Variants in SLC35F4 observed in about 807,000 individuals in gnomAD.
The protein encoded by SLC35F4 is solute carrier family 35 member F4.
In SLC35F4, 24 loss-of-function variants were observed where a neutral mutation model predicts 44.2. The ratio of observed to expected loss-of-function variants is 0.54; its 90% CI spans 0.39 to 0.76. The LOEUF (loss-of-function observed/expected upper bound fraction) is 0.76. Ranked by LOEUF, SLC35F4 falls within the 30% of genes least tolerant of loss-of-function variation. SLC35F4 has a pLI of 0.00. For synonymous variants in SLC35F4, 238 were observed against 223.6 expected, an observed-to-expected ratio of 1.06 and a Z score of -0.57; for missense variants, 562 against 586.1, an observed-to-expected ratio of 0.96 and a Z score of 0.42.
intron 1 of SLC35F4, among the ~76,000 whole-genome samples, chr14:57,682,413 A>T (rs111875018): frequency 1.7e-3 from 265 of 152,302 alleles, no homozygotes; most frequent in African/African-American, 6.2e-3. Context: ...CAAACACTGC[A>T]TGTTCTCACT....
upstream of SLC35F4, among the ~76,000 whole-genome samples, chr14:57,982,677 C>T (rs1015895672): frequency 2.6e-5 from 4 of 152,140 alleles, no homozygotes; most frequent in Admixed American, 6.5e-5. Flanking sequence ...GTCGTTAAAT[C>T]TCACAGCCTG....
intron 1 of SLC35F4, among the ~76,000 whole-genome samples, chr14:57,622,687 G>A (rs1371158260): frequency 6.6e-6 from 1 of 152,100 alleles, no homozygotes; most frequent in Admixed American, 6.5e-5. Flanking sequence ...GGGGAGTGGG[G>A]AGGGATAGCA....
rs184030797 is a variant in SLC35F4 at position 57,573,452 on chromosome 14, G to C, written c.808-1433C>G. On this transcript the variant is annotated intron_variant, in intron 4 of 7. Transcript: ENST00000556826. ...ATATCATATTCTCTGAAGCTGCCGG[G>C]TGTGTGTTCTGGTTAGACTTGGCCT... 1.0e-3 allele frequency among the ~76,000 whole-genome samples: 156 copies of C among 152,308 alleles called. 1 individual carries two copies. Among genetic ancestry groups the C allele is most frequent in the Non-Finnish European group, 1.9e-3 (132 of 68,020 alleles).
At chr14:57,693,062 A>G (rs1165217817) in intron 1 of SLC35F4, among the ~76,000 whole-genome samples, 2 of 152,212 alleles carry the variant, frequency 1.3e-5, no homozygotes, top group Admixed American at 1.3e-4. Context: ...ATTAATTAAA[A>G]CTTTTTTCAA....
At chr14:57,930,001 A>G (rs948960514) in intron 1 of SLC35F4, among the ~76,000 whole-genome samples, 2 of 152,204 alleles carry the variant, frequency 1.3e-5, no homozygotes, top group African/African-American at 4.8e-5. Flanking sequence ...AGCATGTTTC[A>G]TAAAGGGATA....
intron 1 of SLC35F4, among the ~76,000 whole-genome samples, chr14:57,598,763 G>C (rs369578089): frequency 2.5e-4 from 38 of 152,302 alleles, no homozygotes; most frequent in African/African-American, 9.1e-4. Context: ...AGCTGAGCCA[G>C]AGACCTTATC....
intron 1 of SLC35F4, among the ~76,000 whole-genome samples, chr14:57,669,542 G>A (rs913705855): frequency 6.6e-6 from 1 of 152,028 alleles, no homozygotes; most frequent in Non-Finnish European, 1.5e-5. Flanking sequence ...TAGCATGAAG[G>A]GCAGTTGAAT....
At chr14:57,614,372 G>A (rs1323763341) in intron 1 of SLC35F4, among the ~76,000 whole-genome samples, 1 of 152,128 alleles carries the variant, frequency 6.6e-6, no homozygotes, top group Non-Finnish European at 1.5e-5. Flanking sequence ...TGGTGCCCTG[G>A]ATATTTATTC....
chr14:57,684,942 A>G (rs17093548), intron 1 of SLC35F4, among the ~76,000 whole-genome samples: 22,549 of 152,190 alleles, frequency 0.15, 1,908 homozygotes, highest in East Asian at 0.29. Flanking sequence ...AGTCATGGGC[A>G]GCTTACAGGA....
At chr14:57,891,734 G>A (rs1302664876) in intron 1 of SLC35F4, among the ~76,000 whole-genome samples, 1 of 151,916 alleles carries the variant, frequency 6.6e-6, no homozygotes, top group Non-Finnish European at 1.5e-5. Flanking sequence ...AAATTAGTTG[G>A]GCATGGTGGC....
intron 1 of SLC35F4, among the ~76,000 whole-genome samples, chr14:57,623,456 G>A (rs143882288): frequency 0.022 from 3,416 of 152,172 alleles, 70 homozygotes; most frequent in South Asian, 0.048. Context: ...TGGACCAAGC[G>A]GACCTAATTG....
chr14:57,850,249 A>G (rs961668775), intron 1 of SLC35F4, among the ~76,000 whole-genome samples: 3 of 152,222 alleles, frequency 2.0e-5, no homozygotes, highest in African/African-American at 7.2e-5. Context: ...TGCTTTGGAA[A>G]TGAAAGTAGT....
At chr14:57,781,260 T>G (rs903305083) in intron 1 of SLC35F4, among the ~76,000 whole-genome samples, 5 of 151,954 alleles carry the variant, frequency 3.3e-5, no homozygotes, top group Non-Finnish European at 7.4e-5. Flanking sequence ...CAAAAAAACA[T>G]GAATGGACAC....
Position 57,817,217 on chromosome 14 carries a change from A to C in SLC35F4, c.103+48506T>G, listed in dbSNP as rs374746866. 2.6e-5 allele frequency among the ~76,000 whole-genome samples: 4 copies of C among 152,332 alleles called. No homozygotes were observed. In the East Asian group the frequency reaches 7.7e-4, roughly 29 times the overall value. On this transcript the variant is annotated intron_variant, in intron 1 of 7. Transcript: ENST00000556826. The stretch of plus-strand genomic sequence containing the variant: ...GGGTTGGCTGGCCTTAGTAAACTGC[A>C]ACCATAGAGCTACAGAAATCTCTAA...
intron 1 of SLC35F4, among the ~76,000 whole-genome samples, chr14:57,698,377 C>T (rs574851409): frequency 6.6e-6 from 1 of 152,210 alleles, no homozygotes; most frequent in Non-Finnish European, 1.5e-5. Context: ...GAAGAATGGA[C>T]CTATTTTGAA....
chr14:57,973,060 T>C (rs1344098728), downstream of SLC35F4, among the ~76,000 whole-genome samples: 25 of 152,200 alleles, frequency 1.6e-4, no homozygotes, highest in Non-Finnish European at 3.1e-4. Flanking sequence ...ATGAGACACA[T>C]AGAACTTGAA....
intron 1 of SLC35F4, among the ~76,000 whole-genome samples, chr14:57,950,030 T>A (rs1383194600): frequency 6.6e-6 from 1 of 152,178 alleles, no homozygotes; most frequent in Non-Finnish European, 1.5e-5. Context: ...TGCAATGAAT[T>A]TCCCAACAGT....
intron 1 of SLC35F4, among the ~76,000 whole-genome samples, chr14:57,970,351 A>G (rs992374197): frequency 6.6e-6 from 1 of 152,168 alleles, no homozygotes; most frequent in Admixed American, 6.5e-5. Flanking sequence ...ACTTTTAAGA[A>G]CCATTCAGGT....
At chr14:57,836,189 C>T (rs953211503) in intron 1 of SLC35F4, among the ~76,000 whole-genome samples, 1 of 152,170 alleles carries the variant, frequency 6.6e-6, no homozygotes, top group African/African-American at 2.4e-5. Context: ...TACCTACATA[C>T]CACCCATATT....
Sources: gnomAD v4.1 joint callset for allele counts (sites outside exome capture counted in the v4.1 genomes callset) on GRCh38, gnomAD v4.1.1 for gene constraint, MANE v1.5 for transcripts, NCBI Gene and HGNC (gene_info 2026-07-23, HGNC 2026-07-21) for gene names.